PTPRD: variants seen among roughly 807,000 people sequenced by gnomAD.
The protein encoded by PTPRD is protein tyrosine phosphatase receptor type D.
PTPRD carries 34 observed loss-of-function variants against 214.5 expected under a neutral mutation model. That is an observed-to-expected ratio of 0.16 (90% CI 0.12 to 0.21). The LOEUF is 0.21. PTPRD is among the 10% of genes least tolerant of loss of function. PTPRD has a pLI of 1.00. For missense variants in PTPRD, 2,545 were observed against 2,398.7 expected, an observed-to-expected ratio of 1.06 and a Z score of -1.27; for synonymous variants, 1,128 against 845.7, an observed-to-expected ratio of 1.33 and a Z score of -5.79.
chr9:10,121,170 G>C (rs969879001), intron 3 of PTPRD, among the ~76,000 whole-genome samples: 2 of 152,044 alleles, frequency 1.3e-5, no homozygotes, highest in Non-Finnish European at 2.9e-5. Flanking sequence ...GATTATCAGA[G>C]ATAATTTAAT....
At chr9:8,396,295 C>A (rs1194796660) in intron 36 of PTPRD, among the ~76,000 whole-genome samples, 1 of 152,080 alleles carries the variant, frequency 6.6e-6, no homozygotes, top group Non-Finnish European at 1.5e-5. Context: ...TCTTAATGCC[C>A]TCCTGATAAA....
chr9:9,907,636 T>C (rs952320303), intron 5 of PTPRD, among the ~76,000 whole-genome samples: 4 of 151,996 alleles, frequency 2.6e-5, no homozygotes, highest in African/African-American at 9.7e-5. Context: ...TAAAGTCACA[T>C]TGGGGATTAG....
intron 7 of PTPRD, among the ~76,000 whole-genome samples, chr9:9,608,129 G>T (rs1302584552): frequency 2.0e-5 from 3 of 152,028 alleles, no homozygotes; most frequent in Admixed American, 2.0e-4. Context: ...AAAAATAGAG[G>T]TAATAGTAGT....
intron 5 of PTPRD, among the ~76,000 whole-genome samples, chr9:9,847,598 A>G (rs10816205): frequency 0.2 from 30,660 of 152,034 alleles, 3,218 homozygotes; most frequent in African/African-American, 0.27. Context: ...CAGGAAAACA[A>G]AACAAACCTT....
intron 9 of PTPRD, among the ~76,000 whole-genome samples, chr9:9,254,374 G>C (rs889974876): frequency 2.6e-5 from 4 of 151,942 alleles, no homozygotes; most frequent in African/African-American, 9.7e-5. Context: ...TTACATTTGA[G>C]ACTGCTTTTA....
intron 2 of PTPRD, among the ~76,000 whole-genome samples, chr9:10,422,964 CA>C (rs1343783202): frequency 6.6e-6 from 1 of 152,006 alleles, no homozygotes; most frequent in South Asian, 2.1e-4. Flanking sequence ...GGTATATACC[CA>C]AAGGATTATA....
Position 9,319,799 on chromosome 9 carries a change from T to A in PTPRD, c.-203+77650A>T, listed in dbSNP as rs779704123. ...AAATAAGAAAAACCAAGGAACCTCATAACAAACAGCTGGTCTGATTTAAGT... is the reference window on the plus strand; with the variant it reads ...AAATAAGAAAAACCAAGGAACCTCAAAACAAACAGCTGGTCTGATTTAAGT... On this transcript the variant is annotated intron_variant, in intron 9 of 45. Coordinates refer to ENST00000381196, the MANE Select transcript of PTPRD (RefSeq NM_002839.4). Among the ~76,000 whole-genome samples the A allele has an allele frequency of 1.2e-4, 18 of 152,162 alleles. 1 individual carries two copies. The highest frequency in any genetic ancestry group is 1.3e-4 in the Admixed American group (2 of 15,278).
At chr9:10,257,196 G>A (rs186558442) in intron 3 of PTPRD, among the ~76,000 whole-genome samples, 58 of 152,296 alleles carry the variant, frequency 3.8e-4, no homozygotes, top group African/African-American at 1.4e-3. Flanking sequence ...TTTTAGACAC[G>A]TTTTTGCTTC....
intron 4 of PTPRD, among the ~76,000 whole-genome samples, chr9:9,990,815 G>A (rs1052749445): frequency 6.6e-6 from 1 of 152,118 alleles, no homozygotes; most frequent in African/African-American, 2.4e-5. Flanking sequence ...GAGAGGATGT[G>A]CTCACCACAT....
At chr9:10,264,181 T>C (rs988753080) in intron 3 of PTPRD, among the ~76,000 whole-genome samples, 11 of 152,234 alleles carry the variant, frequency 7.2e-5, no homozygotes, top group African/African-American at 2.2e-4. Context: ...GGAAGGGAAA[T>C]GTGGGGTTGA....
intron 14 of PTPRD, among the ~76,000 whole-genome samples, chr9:8,543,219 G>A (rs761192593): frequency 2.2e-4 from 33 of 152,070 alleles, no homozygotes; most frequent in African/African-American, 3.4e-4. Context: ...GCTCATTTTC[G>A]TTTAGTTGTA....
At chr9:10,457,474 T>C (rs2098927055) in intron 2 of PTPRD, among the ~76,000 whole-genome samples, 1 of 152,044 alleles carries the variant, frequency 6.6e-6, no homozygotes, top group Admixed American at 6.6e-5. Flanking sequence ...TCACGTGTAT[T>C]AGTAGTGTAG....
intron 2 of PTPRD, among the ~76,000 whole-genome samples, chr9:10,592,010 T>C (rs1372921356): frequency 3.9e-5 from 6 of 152,134 alleles, no homozygotes; most frequent in African/African-American, 2.4e-5. Flanking sequence ...AGAAACTTTT[T>C]AGTTGTTTTA....
At chr9:10,179,555 G>A (rs946358698) in intron 3 of PTPRD, among the ~76,000 whole-genome samples, 2 of 151,914 alleles carry the variant, frequency 1.3e-5, no homozygotes, top group African/African-American at 2.4e-5. Flanking sequence ...TGAGGAAAAG[G>A]GGTCAGACAG....
intron 8 of PTPRD, among the ~76,000 whole-genome samples, chr9:9,424,158 C>G (rs1825367961): frequency 1.3e-5 from 2 of 152,188 alleles, no homozygotes; most frequent in African/African-American, 2.4e-5. Flanking sequence ...CATCCTAGCT[C>G]CAGAGCTGCC....
intron 5 of PTPRD, among the ~76,000 whole-genome samples, chr9:9,922,736 CA>C (rs2082925211): frequency 6.6e-6 from 1 of 151,506 alleles, no homozygotes; most frequent in Admixed American, 6.6e-5. Flanking sequence ...TAAGACAAAC[CA>C]AAAACAAGAA....
At chr9:10,500,416 A>C (rs1011569839) in intron 2 of PTPRD, among the ~76,000 whole-genome samples, 1 of 151,910 alleles carries the variant, frequency 6.6e-6, no homozygotes, top group African/African-American at 2.4e-5. Flanking sequence ...GTTAATTTTT[A>C]ATTTTTGTGA....
At chr9:8,922,945 G>C (rs1330538427) in intron 11 of PTPRD, among the ~76,000 whole-genome samples, 1 of 151,630 alleles carries the variant, frequency 6.6e-6, no homozygotes, top group Non-Finnish European at 1.5e-5. Context: ...TTACAGTCAT[G>C]AGCCACTGCA....
At chr9:10,062,143 A>G (rs1218611032) in intron 3 of PTPRD, among the ~76,000 whole-genome samples, 1 of 152,094 alleles carries the variant, frequency 6.6e-6, no homozygotes, top group African/African-American at 2.4e-5. Context: ...GGGTGGTAGG[A>G]TGTTACAACC....
Sources: allele counts gnomAD v4.1 joint callset (sites outside exome capture counted in the v4.1 genomes callset), GRCh38; gene constraint gnomAD v4.1.1; transcripts MANE v1.5; gene names NCBI Gene and HGNC (gene_info 2026-07-23, HGNC 2026-07-21).